Variants in NXPH1 observed in about 807,000 individuals in gnomAD.
NXPH1 encodes neurexophilin 1.
A neutral mutation model predicts 23.7 loss-of-function variants in NXPH1; 5 were observed. The observed-to-expected ratio is 0.21, with a 90% CI of 0.11 to 0.44. NXPH1 has a LOEUF of 0.44. NXPH1 is among the 20% of genes least tolerant of loss of function. NXPH1 has a pLI of 0.99. For missense variants in NXPH1, 324 were observed against 321.6 expected (o/e 1.01, Z -0.06); for synonymous variants, 144 against 122.2 (o/e 1.18, Z -1.18).
chr7:8,624,604 G>A (rs1819948208), intron 2 of NXPH1, among the ~76,000 whole-genome samples: 1 of 152,112 alleles, frequency 6.6e-6, no homozygotes, highest in South Asian at 2.1e-4. Flanking sequence ...GGAGCACACA[G>A]CCCATGGTGA....
chr7:8,629,755 A>G (rs1347923537), intron 2 of NXPH1, among the ~76,000 whole-genome samples: 1 of 152,196 alleles, frequency 6.6e-6, no homozygotes, highest in African/African-American at 2.4e-5. Context: ...CATCTGCAGT[A>G]TATTACAAAT....
intron 2 of NXPH1, among the ~76,000 whole-genome samples, chr7:8,454,311 T>G (rs183013454): frequency 6.6e-6 from 1 of 152,274 alleles, no homozygotes; most frequent in African/African-American, 2.4e-5. Flanking sequence ...CCCAGTAGTT[T>G]AGCAGTGAAC....
chr7:8,558,759 G>A (rs965548819), intron 2 of NXPH1, among the ~76,000 whole-genome samples: 12 of 151,654 alleles, frequency 7.9e-5, no homozygotes, highest in South Asian at 2.1e-4. Flanking sequence ...AGCAGATTTC[G>A]AGGTATTTTC....
chr7:8,641,596 T>C (rs1456071411), intron 2 of NXPH1, among the ~76,000 whole-genome samples: 12 of 152,196 alleles, frequency 7.9e-5, no homozygotes, highest in Admixed American at 5.9e-4. Context: ...TTTCTAAATA[T>C]GCTTTGTTGG....
intron 2 of NXPH1, among the ~76,000 whole-genome samples, chr7:8,685,588 T>C (rs1392544601): frequency 6.6e-6 from 1 of 152,142 alleles, no homozygotes; most frequent in Non-Finnish European, 1.5e-5. Context: ...ACCTCTCCTT[T>C]GATATGCTGA....
rs570750919 is a variant in NXPH1 at position 8,582,767 on chromosome 7, C to G, written c.54+147000C>G. ...TAAATTCTCACTCTGGGTGCTAACT[C>G]CACCTGGAACTGACAGTCCAGCCCC... is the stretch of plus-strand genomic sequence containing the variant. On this transcript the variant is annotated intron_variant, in intron 2 of 2. Transcript: ENST00000405863. Among the ~76,000 whole-genome samples, 3 of 152,176 alleles carry G rather than the reference C, an allele frequency of 2.0e-5. No individual in the cohort carries two copies. In the South Asian group the frequency reaches 6.2e-4, roughly 31 times the overall value.
At chr7:8,748,959 G>A (rs1780518886) in intron 2 of NXPH1, among the ~76,000 whole-genome samples, 1 of 152,080 alleles carries the variant, frequency 6.6e-6, no homozygotes, top group South Asian at 2.1e-4. Context: ...ACTGCTTCTT[G>A]GCTTGAAAAG....
rs149909183 is a variant in NXPH1 at position 8,474,116 on chromosome 7, C to T, written c.54+38349C>T. Among the ~76,000 whole-genome samples the T allele has an allele frequency of 4.5e-3, 689 of 152,198 alleles. 1 individual carries two copies. The highest frequency in any genetic ancestry group is 0.015 in the African/African-American group (623 of 41,508). ...ATATAACCTCGTGAATTTTAACTTACCCTGTCAAAAGTCTGAGTTTGTTCT... is the reference window on the plus strand; with the variant it reads ...ATATAACCTCGTGAATTTTAACTTATCCTGTCAAAAGTCTGAGTTTGTTCT... On this transcript the variant is annotated intron_variant, in intron 2 of 2. Transcript: ENST00000405863.
At chr7:8,440,946 A>C (rs1423316586) in intron 2 of NXPH1, among the ~76,000 whole-genome samples, 3 of 151,976 alleles carry the variant, frequency 2.0e-5, no homozygotes, top group Non-Finnish European at 4.4e-5. Flanking sequence ...GAGGAATAAC[A>C]CTCTTCTTGC....
chr7:8,641,317 C>T (rs968521948), intron 2 of NXPH1, among the ~76,000 whole-genome samples: 9 of 152,230 alleles, frequency 5.9e-5, no homozygotes, highest in South Asian at 2.1e-4. Flanking sequence ...GGATTGAAAA[C>T]CCTGGTGTGC....
rs1362955699 is a variant in NXPH1 at position 8,704,332 on chromosome 7, G to A, written c.55-46676G>A. 2.0e-5 allele frequency among the ~76,000 whole-genome samples: 3 copies of A among 152,108 alleles called. No individual in the cohort carries two copies. The East Asian group carries it at 5.8e-4, about 29-fold the overall frequency. On this transcript the variant is annotated intron_variant, in intron 2 of 2. Coordinates refer to ENST00000405863, the MANE Select transcript of NXPH1 (RefSeq NM_152745.3). ...GGAGGTAGGTAGGTATTTTGGAGTA[G>A]ATTTATTCCATGTGTCTTGCACAAT...
chr7:8,456,696 C>T (rs1816601438), intron 2 of NXPH1, among the ~76,000 whole-genome samples: 1 of 152,102 alleles, frequency 6.6e-6, no homozygotes, highest in Non-Finnish European at 1.5e-5. Context: ...TTCTATTATC[C>T]ATAACTTTTT....
intron 2 of NXPH1, among the ~76,000 whole-genome samples, chr7:8,671,145 A>G (rs1820862891): frequency 6.6e-6 from 1 of 152,236 alleles, no homozygotes; most frequent in Admixed American, 6.5e-5. Flanking sequence ...ACAAATAGTT[A>G]AATAAATTAC....
chr7:8,711,251 T>C (rs13222105), intron 2 of NXPH1, among the ~76,000 whole-genome samples: 5,479 of 152,308 alleles, frequency 0.036, 149 homozygotes, highest in Middle Eastern at 0.16. Flanking sequence ...TAGATGTTTG[T>C]ATATTTGGTT....
intron 2 of NXPH1, among the ~76,000 whole-genome samples, chr7:8,745,306 C>A (rs1168012072): frequency 1.3e-5 from 2 of 152,082 alleles, no homozygotes; most frequent in Non-Finnish European, 2.9e-5. Flanking sequence ...TTACCATATG[C>A]ATTATCTCAC....
intron 2 of NXPH1, among the ~76,000 whole-genome samples, chr7:8,618,375 G>A (rs1020904748): frequency 5.9e-5 from 9 of 152,112 alleles, no homozygotes; most frequent in African/African-American, 9.7e-5. Context: ...CATCAAAATA[G>A]CCATTGAATG....
At chr7:8,437,727 C>T (rs974765417) in intron 2 of NXPH1, among the ~76,000 whole-genome samples, 2 of 152,228 alleles carry the variant, frequency 1.3e-5, no homozygotes, top group East Asian at 1.9e-4. Context: ...CAACAACAAG[C>T]GCATTAATTC....
chr7:8,752,642 A>G lies in NXPH1; in HGVS notation c.*873A>G, dbSNP rs914673943. 8 of 152,508 alleles carry G rather than the reference A, an allele frequency of 5.2e-5. No individual in the cohort carries two copies. The highest frequency in any genetic ancestry group is 1.9e-4 in the African/African-American group (8 of 41,430). The allele number at this position is 152,508 out of a possible 1,614,324, so 9.4% of individuals were successfully genotyped here. A position where few individuals can be genotyped will look rare whatever the true frequency, so the allele number is the denominator to read the frequency against. ...TACTACACATATTGTAACAAATTCA[A>G]TATCCTAGTCTTCATTTGTATGAAT... On this transcript the variant is annotated 3_prime_UTR_variant, in exon 3 of 3. Transcript: ENST00000405863.
intron 2 of NXPH1, among the ~76,000 whole-genome samples, chr7:8,701,741 T>G (rs184139452): frequency 1.3e-5 from 2 of 152,102 alleles, no homozygotes; most frequent in African/African-American, 4.8e-5. Flanking sequence ...GTTACAAAGA[T>G]AGTCAGTAAA....
Sources: gnomAD v4.1 joint callset for allele counts (sites outside exome capture counted in the v4.1 genomes callset) on GRCh38, gnomAD v4.1.1 for gene constraint, MANE v1.5 for transcripts, NCBI Gene and HGNC (gene_info 2026-07-23, HGNC 2026-07-21) for gene names.